Variants in SMURF1 observed in about 807,000 individuals in gnomAD.
SMURF1 encodes SMAD specific E3 ubiquitin protein ligase 1.
Under a neutral mutation model 98.0 loss-of-function variants are expected in SMURF1, and 44 were observed. The ratio of observed to expected loss-of-function variants is 0.45; its 90% CI spans 0.35 to 0.58. The LOEUF (loss-of-function observed/expected upper bound fraction) is 0.58, where lower values mean the gene tolerates loss of function less well. Among genes scored for constraint, SMURF1 ranks in the 20% least tolerant of loss-of-function variants. The probability of loss-of-function intolerance (pLI) is 0.00; values close to 1 mark genes in which losing one functional copy is unlikely to be tolerated. For synonymous variants in SMURF1, 396 were observed against 374.9 expected (o/e 1.06, Z -0.65); for missense variants, 687 against 938.4 (o/e 0.73, Z 3.50).
chr7:99,109,256 T>C (rs1797268269), intron 1 of SMURF1, among the ~76,000 whole-genome samples: 1 of 152,172 alleles, frequency 6.6e-6, no homozygotes, highest in Admixed American at 6.5e-5. Context: ...TCACTCTTAG[T>C]GCCAGCCTCG....
chr7:99,040,297 GCGCGCGCGCGCA>G, intron 13 of SMURF1, 69 bp downstream of exon 13: 6 of 1,250,634 alleles, frequency 4.8e-6, no homozygotes, highest in South Asian at 2.3e-5. Context: ...ACACACACGC[GCGCGCGCGCGCA>G]CGCGCATACA....
intron 1 of SMURF1, among the ~76,000 whole-genome samples, chr7:99,063,382 C>T (rs1475005937): frequency 1.4e-5 from 2 of 143,938 alleles, no homozygotes; most frequent in Non-Finnish European, 3.0e-5. Context: ...AGCCTCAAAC[C>T]CTTGGGCTCT....
At chr7:99,143,606 T>G (rs1584229188) in intron 1 of SMURF1, 120 bp downstream of exon 1, 1 of 743,708 alleles carries the variant, frequency 1.3e-6, no homozygotes. Context: ...CCGAAGGGGG[T>G]GACGAGGTCC....
chr7:99,037,676 G>A (rs1033258026), intron 14 of SMURF1, among the ~76,000 whole-genome samples: 1 of 152,192 alleles, frequency 6.6e-6, no homozygotes, highest in Non-Finnish European at 1.5e-5. Context: ...AAATGACTCA[G>A]CACGTGCCCT....
chr7:99,060,031 A>C (rs2150539299), intron 3 of SMURF1, among the ~76,000 whole-genome samples: 1 of 152,098 alleles, frequency 6.6e-6, no homozygotes, highest in Admixed American at 6.6e-5. Context: ...TGGCCAGGAG[A>C]TTGAAAAGTT....
chr7:99,030,458 G>C lies in SMURF1; in HGVS notation c.*126C>G. The C allele has an allele frequency of 3.8e-6, 3 of 794,950 alleles. No homozygotes were observed. The highest frequency in any genetic ancestry group is 6.3e-6 in the Non-Finnish European group (3 of 479,974). The allele number at this position is 794,950 out of a possible 1,614,324, so 49.2% of individuals were successfully genotyped here. ...CCCCTCCCCCAACAGAAAGGAGAGAGACAACCCTTTCCCCTCAGGTGATCT... is the reference window on the plus strand; with the variant it reads ...CCCCTCCCCCAACAGAAAGGAGAGACACAACCCTTTCCCCTCAGGTGATCT... On this transcript the variant is annotated 3_prime_UTR_variant, in exon 18 of 18. Transcript: ENST00000361368.
chr7:99,136,929 AAC>A (rs1221738965), intron 1 of SMURF1, among the ~76,000 whole-genome samples: 1 of 152,192 alleles, frequency 6.6e-6, no homozygotes, highest in Non-Finnish European at 1.5e-5. Context: ...CAGTCTGGGT[AAC>A]AGAGTGAGAC....
intron 1 of SMURF1, among the ~76,000 whole-genome samples, chr7:99,123,447 C>G (rs1057100170): frequency 6.6e-6 from 1 of 152,036 alleles, no homozygotes; most frequent in African/African-American, 2.4e-5. Flanking sequence ...GTGGGAGGAT[C>G]TGCTTGAGCC....
chr7:99,126,959 G>A (rs1797759128), intron 1 of SMURF1, among the ~76,000 whole-genome samples: 1 of 58,114 alleles, frequency 1.7e-5, no homozygotes, highest in East Asian at 5.5e-4. Context: ...GCATAGGTTG[G>A]GTCTGAGCAG....
chr7:99,057,124 CTGTA>C, intron 5 of SMURF1, 77 bp downstream of exon 5: 1 of 1,478,336 alleles, frequency 6.8e-7, no homozygotes, highest in East Asian at 2.3e-5. Context: ...TCGTCAGTGC[CTGTA>C]TGTGAGTTCT....
chr7:99,035,323 C>T, intron 16 of SMURF1, 192 bp downstream of exon 16: 2 of 716,264 alleles, frequency 2.8e-6, no homozygotes, highest in Non-Finnish European at 2.3e-6. Context: ...CTCAGCGGGG[C>T]CCCACACCTG....
At chr7:99,084,721 G>A (rs927008730) in intron 1 of SMURF1, among the ~76,000 whole-genome samples, 1 of 152,042 alleles carries the variant, frequency 6.6e-6, no homozygotes, top group Admixed American at 6.6e-5. Flanking sequence ...CAACAAAATC[G>A]AGCAAAAGGT....
chr7:99,083,310 T>C (rs62472977), intron 1 of SMURF1, among the ~76,000 whole-genome samples: 10,594 of 152,258 alleles, frequency 0.07, 539 homozygotes, highest in Middle Eastern at 0.12. Flanking sequence ...TCCATTTACC[T>C]CCGTATGAAA....
At chr7:99,092,582 A>T (rs1185467365) in intron 1 of SMURF1, among the ~76,000 whole-genome samples, 1 of 152,152 alleles carries the variant, frequency 6.6e-6, no homozygotes, top group Non-Finnish European at 1.5e-5. Flanking sequence ...TTCATGGTCT[A>T]TTTAGTGCCA....
intron 1 of SMURF1, among the ~76,000 whole-genome samples, chr7:99,087,368 G>A (rs1056407816): frequency 1.1e-4 from 17 of 152,080 alleles, no homozygotes; most frequent in Admixed American, 3.3e-4. Flanking sequence ...CTGAGCAACA[G>A]AGAAAGACCC....
chr7:99,132,720 A>ACACACACG (rs1797898366), intron 1 of SMURF1, among the ~76,000 whole-genome samples: 1 of 151,346 alleles, frequency 6.6e-6, no homozygotes, highest in African/African-American at 2.4e-5. Flanking sequence ...ACACACACAC[A>ACACACACG]CACACAGAGG....
At chr7:99,143,700 G>T in intron 1 of SMURF1, 26 bp downstream of exon 1, 1 of 1,542,384 alleles carries the variant, frequency 6.5e-7, no homozygotes, top group Non-Finnish European at 8.7e-7. Flanking sequence ...GCGCCGGGGC[G>T]CGGGTGGGCC....
At chr7:99,128,130 G>C (rs1194077722) in intron 1 of SMURF1, among the ~76,000 whole-genome samples, 1 of 152,140 alleles carries the variant, frequency 6.6e-6, no homozygotes, top group Non-Finnish European at 1.5e-5. Context: ...GATATGGAAT[G>C]TACCAGGGTA....
In SMURF1 at chr7:99,063,241, TTATATATATATATA is replaced by T. The variant is rs1178325637; in HGVS notation, c.56-1418_56-1405del. ...ATATATATATATATATAAGATTTAT[TTATATATATATATA>T]TATATATATATATATATATATATAT... On this transcript the variant is annotated intron_variant, in intron 1 of 17. Coordinates refer to ENST00000361368, the MANE Select transcript of SMURF1 (RefSeq NM_181349.3). Among the ~76,000 whole-genome samples the T allele has an allele frequency of 2.8e-3, 97 of 34,782 alleles. 1 individual carries two copies. Among genetic ancestry groups the T allele is most frequent in the African/African-American group, 6.6e-3 (53 of 8,014 alleles). 22.8% of individuals were successfully genotyped at this position (34,782 alleles called of 152,430 possible). A position where few individuals can be genotyped will look rare whatever the true frequency, so the allele number is the denominator to read the frequency against.
Sources: allele counts gnomAD v4.1 joint callset (sites outside exome capture counted in the v4.1 genomes callset), GRCh38; gene constraint gnomAD v4.1.1; transcripts MANE v1.5; gene names NCBI Gene and HGNC (gene_info 2026-07-23, HGNC 2026-07-21).